The following BST1 variants were observed in gnomAD, a reference collection of about 807,000 sequenced individuals.
The protein encoded by BST1 is bone marrow stromal cell antigen 1, also known as ADP-ribosyl cyclase/cyclic ADP-ribose hydrolase 2.
BST1 carries 49 observed loss-of-function variants against 40.6 expected under a neutral mutation model. The observed-to-expected ratio is 1.21, with a 90% CI of 0.96 to 1.53. The LOEUF is 1.53. Among genes scored for constraint, BST1 ranks in the 40% most tolerant of loss-of-function variants. The pLI is 0.00. For missense variants in BST1, 423 were observed against 395.9 expected (o/e 1.07, Z -0.58); for synonymous variants, 157 against 159.3 (o/e 0.99, Z 0.11).
downstream of BST1, among the ~76,000 whole-genome samples, chr4:15,733,591 T>A (rs968747543): frequency 2.6e-5 from 4 of 152,212 alleles, no homozygotes; most frequent in Non-Finnish European, 5.9e-5. Flanking sequence ...ACAGGAAGCA[T>A]GGCTGGGGAG....
At chr4:15,736,832 G>A (rs1387047165), downstream of BST1, among the ~76,000 whole-genome samples, 2 of 152,180 alleles carry the variant, frequency 1.3e-5, no homozygotes, top group African/African-American at 4.8e-5. Context: ...CTTGAGGACA[G>A]CAACTTTACC....
At chr4:15,771,379 C>G in the BST1 span, among the ~76,000 whole-genome samples, 3 of 152,170 alleles carry the variant, frequency 2.0e-5, no homozygotes, top group East Asian at 3.8e-4. Context: ...CTTCTTCCCC[C>G]CAAATATACC....
intron 7 of BST1, among the ~76,000 whole-genome samples, chr4:15,722,633 A>G (rs955288079): frequency 4.7e-5 from 6 of 128,498 alleles, no homozygotes; most frequent in Non-Finnish European, 9.4e-5. Context: ...AGGTCTCGCT[A>G]TGTTGCCCAG....
At chr4:15,759,268 T>G in the BST1 span, among the ~76,000 whole-genome samples, 31 of 152,110 alleles carry the variant, frequency 2.0e-4, 1 homozygote, top group African/African-American at 6.8e-4. Context: ...CGAAAGAAGA[T>G]GGATGTGCTG....
intron 7 of BST1, among the ~76,000 whole-genome samples, chr4:15,720,117 C>T (rs766920914): frequency 4.6e-5 from 7 of 152,120 alleles, no homozygotes; most frequent in Non-Finnish European, 1.0e-4. Context: ...CAGGGGCTCC[C>T]ATTGGCCTCT....
At chr4:15,731,610 G>A in intron 8 of BST1, 130 bp from the exon 9 acceptor site, 1 of 1,286,884 alleles carries the variant, frequency 7.8e-7, no homozygotes, top group Non-Finnish European at 1.1e-6. Context: ...GGGTGTCACG[G>A]GAGACTTTGC....
In BST1 at chr4:15,732,340, CAG is replaced by C. The variant is rs967190634; in HGVS notation, c.*498_*499del. 1 of 167,232 alleles carries C rather than the reference CAG, an allele frequency of 6.0e-6. No individual in the cohort carries two copies. The highest frequency in any genetic ancestry group is 1.2e-5 in the Non-Finnish European group (1 of 81,898). The allele number at this position is 167,232 out of a possible 1,614,324, so 10.4% of individuals were successfully genotyped here. On this transcript the variant is annotated 3_prime_UTR_variant, in exon 9 of 9. Coordinates refer to ENST00000265016, the MANE Select transcript of BST1 (RefSeq NM_004334.3). ...AATGGTTCCTTTTTGTTTTGAGAGA[CAG>C]AGTTTCGCTCCTTTGCCCAGGCTGG...
In BST1 at chr4:15,715,494, CAG is replaced by C. The variant is rs1577577928; in HGVS notation, c.611+135_611+136del. On this transcript the variant is annotated intron_variant, in intron 5 of 8. Coordinates refer to ENST00000265016, the MANE Select transcript of BST1 (RefSeq NM_004334.3). ...TTCTGTAAATTCAGGTAAAGCAAAACAGATGAATGACCTGGTGATCAGAGCCA... is the reference window on the plus strand; with the variant it reads ...TTCTGTAAATTCAGGTAAAGCAAAACATGAATGACCTGGTGATCAGAGCCA... 4.2e-6 allele frequency: 4 copies of C among 957,994 alleles called. No individual in the cohort carries two copies. In the East Asian group the frequency reaches 1.1e-4, roughly 25 times the overall value. 59.3% of individuals were successfully genotyped at this position (957,994 alleles called of 1,614,324 possible). A position where few individuals can be genotyped will look rare whatever the true frequency, so the allele number is the denominator to read the frequency against.
the BST1 span, among the ~76,000 whole-genome samples, chr4:15,754,282 T>C: frequency 0.35 from 52,576 of 151,914 alleles, 11,929 homozygotes; most frequent in African/African-American, 0.63. Flanking sequence ...GCTTCATGAG[T>C]CGCTAAAGTA....
rs139197222 is a variant in BST1, at chr4:15,706,458, C to G, written c.315+817C>G. Reference sequence around the variant, plus strand: ...GTCTTAAGATTATATTTATTTAGTACCAGTTTATTTAAGAAAACCACATAT... The same window carrying G: ...GTCTTAAGATTATATTTATTTAGTAGCAGTTTATTTAAGAAAACCACATAT... On this transcript the variant is annotated intron_variant, in intron 2 of 8. Transcript: ENST00000265016. Among the ~76,000 whole-genome samples the G allele has an allele frequency of 4.1e-3, 628 of 152,270 alleles. 3 individuals carry two copies. Among genetic ancestry groups the G allele is most frequent in the African/African-American group, 0.014 (581 of 41,546 alleles).
rs575978277 is a variant in BST1 at position 15,723,540 on chromosome 4, G to A, written c.851+606G>A. On this transcript the variant is annotated intron_variant, in intron 8 of 8. Coordinates refer to ENST00000265016, the MANE Select transcript of BST1 (RefSeq NM_004334.3). ...TGGGATTACAGGCGTAAGCCACCAC[G>A]CCTGGCCCACACCACCTTTTATGTA... 8.7e-4 allele frequency: 861 copies of A among 985,474 alleles called. 1 individual carries two copies. The highest frequency in any genetic ancestry group is 9.7e-4 in the Non-Finnish European group (805 of 829,972). 61.0% of individuals were successfully genotyped at this position (985,474 alleles called of 1,614,324 possible). A position where few individuals can be genotyped will look rare whatever the true frequency, so the allele number is the denominator to read the frequency against.
chr4:15,729,465 A>G (rs1458574671), intron 8 of BST1, among the ~76,000 whole-genome samples: 4 of 152,218 alleles, frequency 2.6e-5, no homozygotes, highest in Admixed American at 1.3e-4. Context: ...TCAAAGAATA[A>G]TAATAATAAT....
the BST1 span, among the ~76,000 whole-genome samples, chr4:15,749,940 T>TTC: frequency 6.6e-6 from 1 of 151,442 alleles, no homozygotes; most frequent in Non-Finnish European, 1.5e-5. Context: ...CTTTTCTTTT[T>TTC]TTTTTTTTTT....
intron 1 of BST1, among the ~76,000 whole-genome samples, chr4:15,704,602 G>A (rs1381628562): frequency 1.3e-5 from 2 of 152,022 alleles, no homozygotes; most frequent in African/African-American, 4.8e-5. Flanking sequence ...GTGTGTGTGA[G>A]TGTGAAGGAG....
downstream of BST1, among the ~76,000 whole-genome samples, chr4:15,741,073 G>GT (rs949029976): frequency 9.9e-5 from 15 of 151,002 alleles, no homozygotes; most frequent in Non-Finnish European, 1.5e-4. Flanking sequence ...AGCAGTGACA[G>GT]TTTTTTTGGT....
chr4:15,767,455 C>T, the BST1 span, among the ~76,000 whole-genome samples: 5 of 152,062 alleles, frequency 3.3e-5, no homozygotes, highest in East Asian at 7.7e-4. Context: ...AGGCACGTGC[C>T]GCCACACCCA....
intron 3 of BST1, among the ~76,000 whole-genome samples, chr4:15,709,782 A>C (rs1489594361): frequency 6.6e-6 from 1 of 152,162 alleles, no homozygotes; most frequent in Non-Finnish European, 1.5e-5. Flanking sequence ...TTATTGACCC[A>C]GAAAGGGGCA....
At chr4:15,712,292 T>C (rs983495374) in intron 4 of BST1, among the ~76,000 whole-genome samples, 4 of 152,134 alleles carry the variant, frequency 2.6e-5, no homozygotes, top group African/African-American at 9.7e-5. Context: ...ACAAGACTAA[T>C]ATTAATGGGA....
chr4:15,703,347 C>A lies in BST1; in HGVS notation c.188+15C>A, dbSNP rs1190200585. On this transcript the variant is annotated intron_variant, in intron 1 of 8. Coordinates refer to ENST00000265016, the MANE Select transcript of BST1 (RefSeq NM_004334.3). ...CCCGAGCAGCGGTGAGGCAGTCGGCCGGGTGGAAGGGGAGCCGGAAAGAGG... is the reference window on the plus strand; with the variant it reads ...CCCGAGCAGCGGTGAGGCAGTCGGCAGGGTGGAAGGGGAGCCGGAAAGAGG... 1 of 1,252,898 alleles carries A rather than the reference C, an allele frequency of 8.0e-7. No individual in the cohort carries two copies. The allele number at this position is 1,252,898 out of a possible 1,614,324, so 77.6% of individuals were successfully genotyped here. A position where few individuals can be genotyped will look rare whatever the true frequency, so the allele number is the denominator to read the frequency against.
Sources: gnomAD v4.1 joint callset for allele counts (sites outside exome capture counted in the v4.1 genomes callset) on GRCh38, gnomAD v4.1.1 for gene constraint, MANE v1.5 for transcripts, NCBI Gene and HGNC (gene_info 2026-07-23, HGNC 2026-07-21) for gene names.